IQUB: variants seen among roughly 807,000 people sequenced by gnomAD.
The protein encoded by IQUB is IQ motif and ubiquitin-like domain-containing protein.
A neutral mutation model predicts 86.4 loss-of-function variants in IQUB; 86 were observed. The observed-to-expected ratio is 1.00, with a 90% CI of 0.84 to 1.19. The LOEUF is 1.19. Ranked by LOEUF, IQUB falls within the 50% of genes most tolerant of loss-of-function variation. The probability of loss-of-function intolerance (pLI) is 0.00; values close to 1 mark genes in which losing one functional copy is unlikely to be tolerated. For synonymous variants in IQUB, 289 were observed against 304.5 expected (o/e 0.95, Z 0.53); for missense variants, 946 against 916.9 (o/e 1.03, Z -0.41).
In IQUB at chr7:123,512,060, TG is replaced by T; in HGVS notation, c.280del (p.His94IlefsTer22). On this transcript the variant is annotated frameshift_variant, in exon 2 of 13. Transcript: ENST00000324698. LOFTEE classifies it high-confidence loss of function. ...SPRQVSYTPQ[H>X]HEKQYAMQRP... ...CTGCATTGCATATTGCTTTTCATGA[TG>T]TTGCGGAGTATATGAAACTTGTCTT... The T allele has an allele frequency of 3.1e-6, 5 of 1,614,098 alleles. No individual in the cohort carries two copies. The highest frequency in any genetic ancestry group is 4.2e-6 in the Non-Finnish European group (5 of 1,179,942).
intron 8 of IQUB, among the ~76,000 whole-genome samples, chr7:123,476,840 A>T (rs1328659444): frequency 6.6e-6 from 1 of 151,926 alleles, no homozygotes; most frequent in African/African-American, 2.4e-5. Flanking sequence ...GGAAAGGAAG[A>T]AGTAAAGAAT....
chr7:123,497,333 T>C (rs1364230620), intron 6 of IQUB, among the ~76,000 whole-genome samples: 1 of 152,110 alleles, frequency 6.6e-6, no homozygotes, highest in Non-Finnish European at 1.5e-5. Flanking sequence ...ATAAATACTA[T>C]TATTGTCATA....
At chr7:123,517,895 T>G (rs995676144) in intron 1 of IQUB, among the ~76,000 whole-genome samples, 1 of 152,194 alleles carries the variant, frequency 6.6e-6, no homozygotes, top group African/African-American at 2.4e-5. Context: ...AAGGCCCCAT[T>G]TAACAGACAC....
chr7:123,458,570 T>C (rs1019171577), intron 11 of IQUB, among the ~76,000 whole-genome samples: 1 of 152,028 alleles, frequency 6.6e-6, no homozygotes, highest in Admixed American at 6.6e-5. Flanking sequence ...TTATAGACCT[T>C]TAAAATTCAA....
chr7:123,493,985 G>A (rs895230076), intron 7 of IQUB, among the ~76,000 whole-genome samples: 3 of 151,700 alleles, frequency 2.0e-5, no homozygotes, highest in Admixed American at 6.6e-5. Flanking sequence ...AGCAAGGATC[G>A]GTCTCATGAC....
intron 9 of IQUB, among the ~76,000 whole-genome samples, chr7:123,465,944 T>C (rs1375002088): frequency 6.6e-6 from 1 of 152,114 alleles, no homozygotes; most frequent in African/African-American, 2.4e-5. Flanking sequence ...TCCAGGTGAT[T>C]CTAATATGTA....
At chr7:123,490,878 C>A (rs1008554621) in intron 7 of IQUB, among the ~76,000 whole-genome samples, 1 of 151,696 alleles carries the variant, frequency 6.6e-6, no homozygotes, top group Non-Finnish European at 1.5e-5. Flanking sequence ...GCAGGAGAAT[C>A]GCTTGAACCC....
At chr7:123,521,115 A>T (rs778105015) in intron 1 of IQUB, among the ~76,000 whole-genome samples, 10 of 152,140 alleles carry the variant, frequency 6.6e-5, no homozygotes, top group Non-Finnish European at 1.3e-4. Flanking sequence ...TCAGAAGTCT[A>T]TGGTATTTAA....
intron 7 of IQUB, among the ~76,000 whole-genome samples, chr7:123,481,957 G>T (rs1795026808): frequency 6.6e-6 from 1 of 151,918 alleles, no homozygotes; most frequent in Non-Finnish European, 1.5e-5. Flanking sequence ...GAATTCTAGT[G>T]ACATGATGTT....
intron 8 of IQUB, among the ~76,000 whole-genome samples, chr7:123,477,226 G>A (rs1314463198): frequency 1.3e-5 from 2 of 152,100 alleles, no homozygotes; most frequent in East Asian, 1.9e-4. Context: ...GCATGGTACT[G>A]GTATCAAAAC....
chr7:123,468,496 A>C (rs939023466), intron 9 of IQUB, among the ~76,000 whole-genome samples: 6 of 152,108 alleles, frequency 3.9e-5, no homozygotes, highest in Admixed American at 3.9e-4. Context: ...TATTAAAGAA[A>C]GTTATCTCAT....
chr7:123,453,263 A>AATATATATATATATAT (rs72054596), intron 12 of IQUB, among the ~76,000 whole-genome samples: 21 of 138,214 alleles, frequency 1.5e-4, no homozygotes, highest in South Asian at 1.2e-3. Context: ...ATCTAGTTAG[A>AATATATATATATATAT]ATATATATAT....
intron 1 of IQUB, among the ~76,000 whole-genome samples, chr7:123,529,535 G>C (rs1370170594): frequency 1.3e-5 from 2 of 150,422 alleles, no homozygotes; most frequent in African/African-American, 4.9e-5. Context: ...TTAAAGTTAT[G>C]TTAAAGATCG....
At chr7:123,482,737 G>A (rs1029312828) in intron 7 of IQUB, among the ~76,000 whole-genome samples, 1 of 152,042 alleles carries the variant, frequency 6.6e-6, no homozygotes, top group African/African-American at 2.4e-5. Context: ...TGTAATGTTT[G>A]TAATAATCAA....
At chr7:123,516,067 A>T (rs1796623155) in intron 1 of IQUB, among the ~76,000 whole-genome samples, 1 of 152,226 alleles carries the variant, frequency 6.6e-6, no homozygotes, top group Non-Finnish European at 1.5e-5. Flanking sequence ...TAATGTGTCT[A>T]GATTATCCCT....
At chr7:123,494,951 T>C (rs1212402923) in intron 7 of IQUB, among the ~76,000 whole-genome samples, 2 of 152,124 alleles carry the variant, frequency 1.3e-5, no homozygotes, top group Non-Finnish European at 2.9e-5. Flanking sequence ...AATGGTATCC[T>C]TTAGTCACAT....
intron 10 of IQUB, 124 bp from the exon 11 acceptor site, chr7:123,461,729 G>T: frequency 1.2e-6 from 1 of 841,142 alleles, no homozygotes; most frequent in Non-Finnish European, 1.7e-6. Flanking sequence ...AAAAAAAAAA[G>T]TTGGCTAATT....
intron 9 of IQUB, among the ~76,000 whole-genome samples, chr7:123,466,152 T>A (rs1457332042): frequency 2.0e-5 from 3 of 152,114 alleles, no homozygotes; most frequent in Non-Finnish European, 4.4e-5. Flanking sequence ...CAAAACTGAT[T>A]TTCATAAATA....
intron 3 of IQUB, among the ~76,000 whole-genome samples, chr7:123,503,948 C>T (rs534607114): frequency 5.7e-4 from 86 of 151,928 alleles, no homozygotes; most frequent in Non-Finnish European, 1.1e-3. Context: ...ACTCCATAAA[C>T]ATTTAAAAAA....
Sources: allele counts gnomAD v4.1 joint callset (sites outside exome capture counted in the v4.1 genomes callset), GRCh38; gene constraint gnomAD v4.1.1; transcripts MANE v1.5; gene names NCBI Gene and HGNC (gene_info 2026-07-23, HGNC 2026-07-21).